Variants in CACNA2D3 observed in about 807,000 individuals in gnomAD.
CACNA2D3 encodes the protein voltage-dependent calcium channel subunit alpha-2/delta-3.
A neutral mutation model predicts 160.6 loss-of-function variants in CACNA2D3; 60 were observed. The ratio of observed to expected loss-of-function variants is 0.37; its 90% CI spans 0.30 to 0.46. The LOEUF (loss-of-function observed/expected upper bound fraction) is 0.46. CACNA2D3 is among the 20% of genes least tolerant of loss of function. CACNA2D3 has a pLI of 1.00. For synonymous variants in CACNA2D3, 558 were observed against 492.9 expected, an observed-to-expected ratio of 1.13 and a Z score of -1.75; for missense variants, 1,205 against 1,365.0, an observed-to-expected ratio of 0.88 and a Z score of 1.85.
intron 2 of CACNA2D3, among the ~76,000 whole-genome samples, chr3:54,192,707 C>T (rs1215266575): frequency 3.3e-5 from 5 of 151,886 alleles, no homozygotes; most frequent in East Asian, 1.9e-4. Context: ...TGTGTATTCA[C>T]GCCATGCTGC....
At chr3:54,622,061 G>A (rs1418389262) in intron 9 of CACNA2D3, among the ~76,000 whole-genome samples, 7 of 152,158 alleles carry the variant, frequency 4.6e-5, no homozygotes, top group African/African-American at 1.4e-4. Context: ...TAGAGAGGGC[G>A]AATGTCAGAA....
chr3:54,152,790 A>G (rs1360573488), intron 2 of CACNA2D3, among the ~76,000 whole-genome samples: 1 of 152,216 alleles, frequency 6.6e-6, no homozygotes, highest in Non-Finnish European at 1.5e-5. Flanking sequence ...AAGAATTTGT[A>G]TTTAAGTGTG....
chr3:54,896,586 T>C (rs1700193690), intron 25 of CACNA2D3, 163 bp from the exon 26 acceptor site: 1 of 693,836 alleles, frequency 1.4e-6, no homozygotes, highest in Non-Finnish European at 2.5e-6. Flanking sequence ...TTGAGTAATC[T>C]GGGGTGCACA....
chr3:54,849,158 C>T (rs1256208150), intron 17 of CACNA2D3, among the ~76,000 whole-genome samples: 1 of 152,158 alleles, frequency 6.6e-6, no homozygotes, highest in Non-Finnish European at 1.5e-5. Context: ...CAACTGTGGT[C>T]TAGAAGACAA....
chr3:54,178,135 T>C (rs563296128), intron 2 of CACNA2D3, among the ~76,000 whole-genome samples: 1 of 152,312 alleles, frequency 6.6e-6, no homozygotes, highest in East Asian at 1.9e-4. Flanking sequence ...AGAGAGGAGC[T>C]GTCCAGACCC....
intron 2 of CACNA2D3, among the ~76,000 whole-genome samples, chr3:54,183,639 C>A (rs992723033): frequency 6.6e-6 from 1 of 151,970 alleles, no homozygotes; most frequent in African/African-American, 2.4e-5. Context: ...AATCCCAGCA[C>A]TTTGGGAGGC....
chr3:54,880,553 A>G (rs1699770445), intron 20 of CACNA2D3, among the ~76,000 whole-genome samples: 1 of 152,178 alleles, frequency 6.6e-6, no homozygotes, highest in South Asian at 2.1e-4. Flanking sequence ...AACTCTGAAA[A>G]CACAAAGAGT....
At chr3:54,456,709 G>A (rs896782966) in intron 4 of CACNA2D3, among the ~76,000 whole-genome samples, 1 of 151,948 alleles carries the variant, frequency 6.6e-6, no homozygotes, top group African/African-American at 2.4e-5. Context: ...TAAAAGTTGA[G>A]CAGTGAAACC....
At chr3:54,798,559 T>C (rs1045136143) in intron 13 of CACNA2D3, among the ~76,000 whole-genome samples, 1 of 152,156 alleles carries the variant, frequency 6.6e-6, no homozygotes, top group African/African-American at 2.4e-5. Context: ...GACCAGAGTT[T>C]AGTAAGAAGA....
At chr3:54,704,228 C>T (rs1206413373) in intron 11 of CACNA2D3, among the ~76,000 whole-genome samples, 1 of 152,178 alleles carries the variant, frequency 6.6e-6, no homozygotes, top group Non-Finnish European at 1.5e-5. Context: ...AATTTAGAAT[C>T]TCAATAAAAA....
chr3:54,809,317 T>TC lies in CACNA2D3; in HGVS notation c.1381-7536_1381-7535insC, dbSNP rs1330295376. Among the ~76,000 whole-genome samples, 699 of 107,380 alleles carry TC rather than the reference T, an allele frequency of 6.5e-3. 23 individuals are homozygous for TC. Among genetic ancestry groups the TC allele is most frequent in the African/African-American group, 0.027 (634 of 23,158 alleles). 70.4% of individuals were successfully genotyped at this position (107,380 alleles called of 152,430 possible). ...TTTCCTTCCTTCCTTCTTTCTTTTT[T>TC]TTTTTTTTTTTTGAGACGGAGTCTC... On this transcript the variant is annotated intron_variant, in intron 13 of 37. Coordinates refer to ENST00000474759, the MANE Select transcript of CACNA2D3 (RefSeq NM_018398.3).
chr3:54,523,466 A>G (rs1008373994), intron 5 of CACNA2D3, among the ~76,000 whole-genome samples: 3 of 152,156 alleles, frequency 2.0e-5, no homozygotes, highest in African/African-American at 7.2e-5. Context: ...TTTTGCAGTC[A>G]TATTTATAAA....
chr3:55,035,711 G>T (rs3773549), intron 35 of CACNA2D3, among the ~76,000 whole-genome samples: 27,190 of 152,142 alleles, frequency 0.18, 2,562 homozygotes, highest in Admixed American at 0.27. Flanking sequence ...AATTGGTGTT[G>T]AAGAAAGGAG....
intron 2 of CACNA2D3, among the ~76,000 whole-genome samples, chr3:54,316,076 GGTGTGT>G (rs10543331): frequency 6.6e-6 from 1 of 150,684 alleles, no homozygotes; most frequent in Non-Finnish European, 1.5e-5. Flanking sequence ...CTCCTAGCAG[GGTGTGT>G]GTGTGTGTGT....
intron 6 of CACNA2D3, among the ~76,000 whole-genome samples, chr3:54,569,457 A>G (rs1702460341): frequency 6.6e-6 from 1 of 152,136 alleles, no homozygotes; most frequent in Non-Finnish European, 1.5e-5. Context: ...AGGTGCAACA[A>G]CTTGCTGGAC....
At chr3:54,808,872 T>G (rs1488985989) in intron 13 of CACNA2D3, among the ~76,000 whole-genome samples, 1 of 152,130 alleles carries the variant, frequency 6.6e-6, no homozygotes, top group Non-Finnish European at 1.5e-5. Flanking sequence ...AGGTTGGTGA[T>G]TACTGTAACC....
intron 3 of CACNA2D3, among the ~76,000 whole-genome samples, chr3:54,337,385 G>T (rs549567066): frequency 6.6e-6 from 1 of 152,338 alleles, no homozygotes; most frequent in East Asian, 1.9e-4. Flanking sequence ...CAGAGCAGAT[G>T]CAGGTCCAGT....
intron 11 of CACNA2D3, among the ~76,000 whole-genome samples, chr3:54,654,599 G>C (rs952398708): frequency 6.6e-6 from 1 of 152,108 alleles, no homozygotes; most frequent in Non-Finnish European, 1.5e-5. Context: ...TTAGAAGCTT[G>C]GGGGAGAAGC....
At chr3:54,947,388 T>C (rs1462525247) in intron 27 of CACNA2D3, among the ~76,000 whole-genome samples, 1 of 152,192 alleles carries the variant, frequency 6.6e-6, no homozygotes, top group African/African-American at 2.4e-5. Flanking sequence ...TGGTTAGGAC[T>C]TGCTGAGCAG....
Sources: allele counts gnomAD v4.1 joint callset (sites outside exome capture counted in the v4.1 genomes callset), GRCh38; gene constraint gnomAD v4.1.1; transcripts MANE v1.5; gene names NCBI Gene and HGNC (gene_info 2026-07-23, HGNC 2026-07-21).